The following ADAM23 variants were observed in gnomAD, a reference collection of about 807,000 sequenced individuals.
The protein encoded by ADAM23 is ADAM metallopeptidase domain 23, also known as disintegrin and metalloproteinase domain-containing protein 23.
ADAM23 carries 33 observed loss-of-function variants against 120.1 expected under a neutral mutation model. The ratio of observed to expected loss-of-function variants is 0.27; its 90% confidence interval spans 0.21 to 0.37. ADAM23 has a LOEUF of 0.37. Among genes scored for constraint, ADAM23 ranks in the 10% least tolerant of loss-of-function variants. The probability of loss-of-function intolerance (pLI) is 1.00; values close to 1 mark genes in which losing one functional copy is unlikely to be tolerated. For synonymous variants in ADAM23, 367 were observed against 375.2 expected, an observed-to-expected ratio of 0.98 and a Z score of 0.25; for missense variants, 862 against 1,058.2, an observed-to-expected ratio of 0.81 and a Z score of 2.57.
intron 15 of ADAM23, among the ~76,000 whole-genome samples, chr2:206,569,685 C>G (rs369687253): frequency 2.0e-5 from 3 of 152,186 alleles, no homozygotes; most frequent in South Asian, 4.1e-4. Context: ...TCTCCTGCCT[C>G]CTGATCAAAA....
intron 2 of ADAM23, among the ~76,000 whole-genome samples, chr2:206,467,986 C>T (rs1000972265): frequency 3.9e-5 from 6 of 152,136 alleles, no homozygotes; most frequent in Non-Finnish European, 5.9e-5. Context: ...CATGACTGGC[C>T]GGAGCTAGAG....
intron 3 of ADAM23, among the ~76,000 whole-genome samples, chr2:206,525,687 G>C (rs1207663386): frequency 1.3e-5 from 2 of 151,970 alleles, no homozygotes; most frequent in Non-Finnish European, 2.9e-5. Flanking sequence ...TGCCTCACAG[G>C]TTCAAGCAAT....
intron 3 of ADAM23, among the ~76,000 whole-genome samples, chr2:206,524,884 A>G (rs963334617): frequency 6.6e-6 from 1 of 152,206 alleles, no homozygotes; most frequent in Admixed American, 6.5e-5. Context: ...CCCAAAAGCA[A>G]CTGGAGGAGA....
chr2:206,567,994 G>T (rs1235405676), intron 15 of ADAM23, among the ~76,000 whole-genome samples: 1 of 152,102 alleles, frequency 6.6e-6, no homozygotes, highest in Non-Finnish European at 1.5e-5. Flanking sequence ...TGGGGAAACC[G>T]CCCCCATGAT....
intron 6 of ADAM23, among the ~76,000 whole-genome samples, chr2:206,543,741 A>T (rs1421146179): frequency 6.6e-6 from 1 of 150,520 alleles, no homozygotes; most frequent in African/African-American, 2.4e-5. Flanking sequence ...GTAGATAAGT[A>T]AAATGTGATA....
chr2:206,572,184 C>G (rs1373698478), intron 17 of ADAM23, among the ~76,000 whole-genome samples: 1 of 152,102 alleles, frequency 6.6e-6, no homozygotes, highest in Non-Finnish European at 1.5e-5. Context: ...AAAACTTACC[C>G]TAATTTATTT....
At chr2:206,544,982 C>T (rs368617285) in intron 6 of ADAM23, among the ~76,000 whole-genome samples, 37 of 151,812 alleles carry the variant, frequency 2.4e-4, no homozygotes, top group African/African-American at 7.5e-4. Context: ...CTAGGGTGTT[C>T]GAGGAGCTTT....
At chr2:206,562,328 G>T (rs1414975108) in intron 13 of ADAM23, 35 bp downstream of exon 13, 17 of 1,531,896 alleles carry the variant, frequency 1.1e-5, no homozygotes, top group African/African-American at 4.1e-5. Flanking sequence ...ATTTTCATGT[G>T]CCATTCTGTC....
chr2:206,542,953 CCTAT>C, intron 5 of ADAM23, among the ~76,000 whole-genome samples: 1 of 152,254 alleles, frequency 6.6e-6, no homozygotes, highest in Admixed American at 6.5e-5. Context: ...AGTGAATAGT[CCTAT>C]CTCAGAGTAA....
chr2:206,544,441 T>A (rs1697353872), intron 6 of ADAM23, among the ~76,000 whole-genome samples: 1 of 152,086 alleles, frequency 6.6e-6, no homozygotes. Flanking sequence ...GGGTATTATT[T>A]TAGGTTCTGG....
chr2:206,587,908 T>C (rs187406113), intron 19 of ADAM23, among the ~76,000 whole-genome samples, 183 bp from the exon 20 acceptor site: 88 of 152,386 alleles, frequency 5.8e-4, no homozygotes, highest in Middle Eastern at 3.4e-3. Context: ...GAGTTCTGTT[T>C]AGAGTTTTAA....
At chr2:206,561,278 C>T (rs1435566439) in intron 12 of ADAM23, 66 bp downstream of exon 12, 2 of 1,344,572 alleles carry the variant, frequency 1.5e-6, no homozygotes, top group African/African-American at 1.4e-5. Flanking sequence ...GCCCAGTTTA[C>T]ATCCTTTCTC....
intron 2 of ADAM23, among the ~76,000 whole-genome samples, chr2:206,455,977 G>A (rs955733246): frequency 1.2e-4 from 18 of 152,032 alleles, no homozygotes; most frequent in Admixed American, 3.3e-4. Flanking sequence ...TCCAACCTCC[G>A]CCTGTTACCC....
intron 22 of ADAM23, among the ~76,000 whole-genome samples, chr2:206,593,230 C>T (rs150021745): frequency 1.3e-5 from 2 of 152,228 alleles, no homozygotes; most frequent in African/African-American, 4.8e-5. Context: ...ATCCAGTTGT[C>T]TGTGAGTACA....
intron 2 of ADAM23, among the ~76,000 whole-genome samples, chr2:206,461,205 GCCCC>G (rs1305994571): frequency 6.6e-6 from 1 of 151,592 alleles, no homozygotes; most frequent in Non-Finnish European, 1.5e-5. Context: ...GGGATGACAG[GCCCC>G]CACCACCACA....
At chr2:206,533,773 A>T (rs1313847673) in intron 4 of ADAM23, among the ~76,000 whole-genome samples, 1 of 152,194 alleles carries the variant, frequency 6.6e-6, no homozygotes, top group Non-Finnish European at 1.5e-5. Flanking sequence ...CTTTTATTGC[A>T]TGGACATGGG....
intron 18 of ADAM23, among the ~76,000 whole-genome samples, chr2:206,576,271 TAAAA>T (rs59694591): frequency 0.67 from 101,218 of 151,068 alleles, 34,206 homozygotes; most frequent in African/African-American, 0.72. Context: ...TATATGGTTT[TAAAA>T]ACTTCTGTGT....
At chr2:206,509,529 A>C (rs1327138396) in intron 3 of ADAM23, among the ~76,000 whole-genome samples, 2 of 152,018 alleles carry the variant, frequency 1.3e-5, no homozygotes, top group Non-Finnish European at 2.9e-5. Context: ...GCTCACTGCA[A>C]CCTCTGCCTC....
At chr2:206,465,925 T>G (rs1233675009) in intron 2 of ADAM23, among the ~76,000 whole-genome samples, 1 of 152,208 alleles carries the variant, frequency 6.6e-6, no homozygotes, top group East Asian at 1.9e-4. Context: ...TTGAGAAACC[T>G]ACATTATTTA....
Sources: gnomAD v4.1 joint callset for allele counts (sites outside exome capture counted in the v4.1 genomes callset) on GRCh38, gnomAD v4.1.1 for gene constraint, MANE v1.5 for transcripts, NCBI Gene and HGNC (gene_info 2026-07-23, HGNC 2026-07-21) for gene names.